The following ZDHHC3 variants were observed in gnomAD, a reference collection of about 807,000 sequenced individuals.
ZDHHC3 encodes the protein palmitoyltransferase ZDHHC3.
Under a neutral mutation model 30.6 loss-of-function variants are expected in ZDHHC3, and 9 were observed. That is an observed-to-expected ratio of 0.29 (90% CI 0.18 to 0.51). ZDHHC3 has a LOEUF of 0.51. ZDHHC3 is among the 20% of genes least tolerant of loss of function. ZDHHC3 has a pLI of 0.97. For missense variants in ZDHHC3, 246 were observed against 384.2 expected, an observed-to-expected ratio of 0.64 and a Z score of 3.01; for synonymous variants, 136 against 140.2, an observed-to-expected ratio of 0.97 and a Z score of 0.21.
At position 44,920,177 on chromosome 3, in the gene ZDHHC3, C is replaced by T. The variant is rs748478532; in HGVS notation, c.*6512G>A. On this transcript the variant is annotated 3_prime_UTR_variant, in exon 7 of 7. Transcript: ENST00000424952. ...TTTCAGAAAATGGATCTTGTTGACA[C>T]AAGTCTAAAGGGACCTTCATGTGGG... 1.5e-5 allele frequency: 19 copies of T among 1,274,470 alleles called. No homozygotes were observed. In the South Asian group the frequency reaches 2.4e-4, roughly 16 times the overall value. 78.9% of individuals were successfully genotyped at this position (1,274,470 alleles called of 1,614,324 possible).
Position 44,923,689 on chromosome 3 carries a change from G to A in ZDHHC3, c.*3000C>T, listed in dbSNP as rs1032079963. On this transcript the variant is annotated 3_prime_UTR_variant, in exon 7 of 7. Coordinates refer to ENST00000424952, the MANE Select transcript of ZDHHC3 (RefSeq NM_001135179.2). ...ATGGTAGTACGTGCCTGTAGCCCTG[G>A]ATATTCAGGAGGCCAAGGCACAAGA... is the stretch of plus-strand genomic sequence containing the variant. The A allele has an allele frequency of 7.6e-6, 6 of 788,248 alleles. No individual in the cohort carries two copies. The highest frequency in any genetic ancestry group is 9.2e-6 in the Non-Finnish European group (6 of 650,580). The allele number at this position is 788,248 out of a possible 1,614,324, so 48.8% of individuals were successfully genotyped here.
At chr3:44,970,050 T>C (rs1156798891) in intron 1 of ZDHHC3, 1 of 152,250 alleles carries the variant, frequency 6.6e-6, no homozygotes, top group Non-Finnish European at 1.5e-5. Context: ...TGGTTGTTTT[T>C]AGGGACTAAA....
chr3:44,922,396 T>C lies in ZDHHC3; in HGVS notation c.*4293A>G, dbSNP rs1407703455. The C allele has an allele frequency of 8.1e-6, 8 of 985,298 alleles. No homozygotes were observed. Among genetic ancestry groups the C allele is most frequent in the Non-Finnish European group, 9.6e-6 (8 of 829,924 alleles). The allele number at this position is 985,298 out of a possible 1,614,324, so 61.0% of individuals were successfully genotyped here. On this transcript the variant is annotated 3_prime_UTR_variant, in exon 7 of 7. Transcript: ENST00000424952. ...AAAGGGCCCTTGGTCTAGAGATGGG[T>C]TCCACTGATGAGATGCACAAGGAGT... is the stretch of plus-strand genomic sequence containing the variant.
At position 44,923,841 on chromosome 3, in the gene ZDHHC3, T is replaced by C. The variant is rs1700784457; in HGVS notation, c.*2848A>G. 1.0e-6 allele frequency: 1 copy of C among 985,248 alleles called. No individual in the cohort carries two copies. The highest frequency in any genetic ancestry group is 4.7e-5 in the South Asian group (1 of 21,290). 61.0% of individuals were successfully genotyped at this position (985,248 alleles called of 1,614,324 possible). A position where few individuals can be genotyped will look rare whatever the true frequency, so the allele number is the denominator to read the frequency against. On this transcript the variant is annotated 3_prime_UTR_variant, in exon 7 of 7. Coordinates refer to ENST00000424952, the MANE Select transcript of ZDHHC3 (RefSeq NM_001135179.2). The stretch of plus-strand genomic sequence containing the variant: ...GAAGTACAGTATGAAGAAGACAAAA[T>C]GGTGGGACTAAAAGGAGATTTAGCA...
At chr3:44,962,536 G>GAAGA in intron 1 of ZDHHC3, among the ~76,000 whole-genome samples, 1 of 150,710 alleles carries the variant, frequency 6.6e-6, no homozygotes. Context: ...AGGAAGGAAG[G>GAAGA]AAGGAAGGGG....
intron 1 of ZDHHC3, among the ~76,000 whole-genome samples, chr3:44,970,129 C>G (rs544344174): frequency 6.6e-6 from 1 of 152,324 alleles, no homozygotes; most frequent in Non-Finnish European, 1.5e-5. Flanking sequence ...TGCAACTGTA[C>G]TAGGTACTAG....
chr3:44,959,096 T>C lies in ZDHHC3; in HGVS notation c.306+35A>G. The C allele has an allele frequency of 6.2e-7, 1 of 1,609,036 alleles. No homozygotes were observed. Among genetic ancestry groups the C allele is most frequent in the African/African-American group, 1.3e-5 (1 of 74,742 alleles). On this transcript the variant is annotated intron_variant, in intron 2 of 6. Transcript: ENST00000424952. The surrounding 1 kb of genome is among the most constrained non-coding windows in gnomAD (Gnocchi z 4.3). The stretch of plus-strand genomic sequence containing the variant: ...CCATGCCAGAGCCAGAGGAGGAGAG[T>C]GTGGGCTGGTCAAAACAAGCCCAGA...
At position 44,965,310 on chromosome 3, in the gene ZDHHC3, A is replaced by G. The variant is rs1309073094; in HGVS notation, c.-24-5850T>C. Among the ~76,000 whole-genome samples, 5 of 152,264 alleles carry G rather than the reference A, an allele frequency of 3.3e-5. No individual in the cohort carries two copies. The South Asian group carries it at 1.0e-3, about 32-fold the overall frequency. ...CTTCCACTAACCCACACTGACAGAC[A>G]CAAATATACTTAGTGAAGTGGAGTC... On this transcript the variant is annotated intron_variant, in intron 1 of 6. Transcript: ENST00000424952.
rs571094961 is a variant in ZDHHC3 at position 44,957,914 on chromosome 3, A to G, written c.306+1217T>C. ...GCAAAGCAATGTTTTTTACTTCTAT[A>G]TCCCCAATAGCAATGGTATCATAAA... is the stretch of plus-strand genomic sequence containing the variant. On this transcript the variant is annotated intron_variant, in intron 2 of 6. Transcript: ENST00000424952. 2.6e-5 allele frequency among the ~76,000 whole-genome samples: 4 copies of G among 152,326 alleles called. No individual in the cohort carries two copies. In the South Asian group the frequency reaches 8.3e-4, roughly 32 times the overall value.
chr3:44,922,295 C>G lies in ZDHHC3; in HGVS notation c.*4394G>C. The G allele has an allele frequency of 1.0e-6, 1 of 985,450 alleles. No individual in the cohort carries two copies. Among genetic ancestry groups the G allele is most frequent in the Non-Finnish European group, 1.2e-6 (1 of 829,932 alleles). The allele number at this position is 985,450 out of a possible 1,614,324, so 61.0% of individuals were successfully genotyped here. The stretch of plus-strand genomic sequence containing the variant: ...ACAATGCCCCTGGCTCTAGACTACT[C>G]ACCGGCCGCCGCTCCCATCTGGAGG... On this transcript the variant is annotated 3_prime_UTR_variant, in exon 7 of 7. Coordinates refer to ENST00000424952, the MANE Select transcript of ZDHHC3 (RefSeq NM_001135179.2).
chr3:44,916,063 C>T lies in ZDHHC3; in HGVS notation c.*10626G>A, dbSNP rs1403314163. 4 of 152,154 alleles carry T rather than the reference C, an allele frequency of 2.6e-5. No homozygotes were observed. The highest frequency in any genetic ancestry group is 9.7e-5 in the African/African-American group (4 of 41,428). 9.4% of individuals were successfully genotyped at this position (152,154 alleles called of 1,614,324 possible). A position where few individuals can be genotyped will look rare whatever the true frequency, so the allele number is the denominator to read the frequency against. ...TTACAGCTGACTCGGGCTCCTATGT[C>T]GTCATTAATAAATATTAAAGCTGAT... is the stretch of plus-strand genomic sequence containing the variant. On this transcript the variant is annotated 3_prime_UTR_variant, in exon 7 of 7. Transcript: ENST00000424952.
intron 6 of ZDHHC3, among the ~76,000 whole-genome samples, chr3:44,928,671 G>T (rs909704800): frequency 2.6e-5 from 4 of 152,212 alleles, no homozygotes; most frequent in African/African-American, 9.7e-5. Flanking sequence ...GGCACCAAGG[G>T]AGTAGGCCCC....
At chr3:44,954,014 C>T (rs1703702262) in intron 2 of ZDHHC3, among the ~76,000 whole-genome samples, 1 of 152,214 alleles carries the variant, frequency 6.6e-6, no homozygotes, top group South Asian at 2.1e-4. Context: ...GCTCTGAACA[C>T]AGCACATGCT....
In ZDHHC3 at chr3:44,917,597, T is replaced by C. The variant is rs569787189; in HGVS notation, c.*9092A>G. On this transcript the variant is annotated 3_prime_UTR_variant, in exon 7 of 7. Coordinates refer to ENST00000424952, the MANE Select transcript of ZDHHC3 (RefSeq NM_001135179.2). ...AAAGCTCCCTTTGCTGGGCGGAGAA[T>C]GTGAAAGCCACCCAGTCTTGGAGAA... is the stretch of plus-strand genomic sequence containing the variant. 167 of 264,350 alleles carry C rather than the reference T, an allele frequency of 6.3e-4. No homozygotes were observed. In the South Asian group the frequency reaches 6.5e-3, roughly 10 times the overall value. 16.4% of individuals were successfully genotyped at this position (264,350 alleles called of 1,614,324 possible). A position where few individuals can be genotyped will look rare whatever the true frequency, so the allele number is the denominator to read the frequency against.
At chr3:44,949,977 C>T (rs1575873614) in intron 2 of ZDHHC3, among the ~76,000 whole-genome samples, 2 of 152,204 alleles carry the variant, frequency 1.3e-5, no homozygotes, top group South Asian at 2.1e-4. Flanking sequence ...CTGGAACTAC[C>T]GGCACAAGCC....
intron 2 of ZDHHC3, among the ~76,000 whole-genome samples, chr3:44,955,221 A>G (rs1277512324): frequency 6.6e-6 from 1 of 151,944 alleles, no homozygotes; most frequent in Non-Finnish European, 1.5e-5. Context: ...CTTTTGCCCT[A>G]TTTCTCAAAC....
chr3:44,919,988 A>C lies in ZDHHC3; in HGVS notation c.*6701T>G, dbSNP rs1028996967. On this transcript the variant is annotated 3_prime_UTR_variant, in exon 7 of 7. Transcript: ENST00000424952. The stretch of plus-strand genomic sequence containing the variant: ...TTCTATAACACTATGCAGCTAGAAA[A>C]GATGGTTTAATATGGTTTTACATGA... The C allele has an allele frequency of 4.5e-5, 51 of 1,135,130 alleles. No homozygotes were observed. Among genetic ancestry groups the C allele is most frequent in the Non-Finnish European group, 5.2e-5 (47 of 910,520 alleles). The allele number at this position is 1,135,130 out of a possible 1,614,324, so 70.3% of individuals were successfully genotyped here. A position where few individuals can be genotyped will look rare whatever the true frequency, so the allele number is the denominator to read the frequency against.
intron 1 of ZDHHC3, among the ~76,000 whole-genome samples, chr3:44,968,046 G>A (rs1307307699): frequency 2.0e-5 from 3 of 152,124 alleles, no homozygotes; most frequent in Non-Finnish European, 4.4e-5. Context: ...TCCCAAGGTC[G>A]CATTGAGTGA....
Position 44,918,296 on chromosome 3 carries a change from G to C in ZDHHC3, c.*8393C>G. 1 of 985,260 alleles carries C rather than the reference G, an allele frequency of 1.0e-6. No individual in the cohort carries two copies. Among genetic ancestry groups the C allele is most frequent in the Non-Finnish European group, 1.2e-6 (1 of 829,874 alleles). 61.0% of individuals were successfully genotyped at this position (985,260 alleles called of 1,614,324 possible). ...GGGGTCTGAGTGGGCAGTCTGTTGTGGCCCAGGTCACCCCCGGGAGGTCCC... is the reference window on the plus strand; with the variant it reads ...GGGGTCTGAGTGGGCAGTCTGTTGTCGCCCAGGTCACCCCCGGGAGGTCCC... On this transcript the variant is annotated 3_prime_UTR_variant, in exon 7 of 7. Transcript: ENST00000424952.
Sources: allele counts gnomAD v4.1 joint callset (sites outside exome capture counted in the v4.1 genomes callset), GRCh38; gene constraint gnomAD v4.1.1; non-coding constraint Gnocchi (gnomAD v3.1); transcripts MANE v1.5; gene names NCBI Gene and HGNC (gene_info 2026-07-23, HGNC 2026-07-21).